The following CDH7 variants were observed in gnomAD, a reference collection of about 807,000 sequenced individuals.
CDH7 encodes cadherin 7.
Under a neutral mutation model 71.8 loss-of-function variants are expected in CDH7, and 25 were observed. The observed-to-expected ratio is 0.35, with a 90% CI of 0.25 to 0.49. CDH7 has a LOEUF of 0.49. Among genes scored for constraint, CDH7 ranks in the 20% least tolerant of loss-of-function variants. The pLI is 0.99. For synonymous variants in CDH7, 381 were observed against 363.8 expected (o/e 1.05, Z -0.54); for missense variants, 862 against 974.6 (o/e 0.88, Z 1.54).
At chr18:65,792,472 C>T (rs1303053135) in intron 2 of CDH7, among the ~76,000 whole-genome samples, 3 of 152,034 alleles carry the variant, frequency 2.0e-5, no homozygotes, top group African/African-American at 4.8e-5. Flanking sequence ...GCGTGTTAGC[C>T]ATTTTACCTT....
chr18:65,799,189 A>C (rs1318838554), intron 2 of CDH7, among the ~76,000 whole-genome samples: 1 of 152,042 alleles, frequency 6.6e-6, no homozygotes, highest in Non-Finnish European at 1.5e-5. Context: ...AGGTAAGAGA[A>C]GCCCACCTGC....
intron 6 of CDH7, 57 bp downstream of exon 6, chr18:65,824,888 G>T: frequency 8.0e-7 from 1 of 1,245,384 alleles, no homozygotes; most frequent in East Asian, 2.4e-5. Flanking sequence ...CTTTCTGTTT[G>T]ATGGGAGAAT....
intron 1 of CDH7, among the ~76,000 whole-genome samples, chr18:65,755,719 G>A (rs536854819): frequency 2.0e-5 from 3 of 152,106 alleles, no homozygotes; most frequent in African/African-American, 4.8e-5. Context: ...ATAGGCAAAA[G>A]CAACAATGAA....
chr18:65,874,521 G>A (rs1465588590), intron 11 of CDH7, among the ~76,000 whole-genome samples: 1 of 152,092 alleles, frequency 6.6e-6, no homozygotes. Flanking sequence ...ACTACAAAAG[G>A]TGGGAGAGTT....
intron 2 of CDH7, among the ~76,000 whole-genome samples, chr18:65,765,553 A>G (rs969073188): frequency 6.6e-6 from 1 of 151,882 alleles, no homozygotes; most frequent in African/African-American, 2.4e-5. Flanking sequence ...GAAGATGTGA[A>G]GAAATGGCTG....
chr18:65,750,773 G>GCTCTCTCCTCCTCTCCTGCGCGCC (rs1915842335), upstream of CDH7: 1 of 152,678 alleles, frequency 6.5e-6, no homozygotes, highest in Non-Finnish European at 1.5e-5. Context: ...GCTCCGGCGC[G>GCTCTCTCCTCCTCTCCTGCGCGCC]CTCTCTCCTC....
intron 3 of CDH7, among the ~76,000 whole-genome samples, chr18:65,811,220 A>G (rs1328973921): frequency 2.6e-5 from 4 of 151,548 alleles, no homozygotes; most frequent in East Asian, 1.9e-4. Flanking sequence ...CATTCATCCA[A>G]TCATGCAATC....
intron 2 of CDH7, among the ~76,000 whole-genome samples, chr18:65,805,697 C>T (rs187521069): frequency 0.015 from 2,221 of 152,318 alleles, 24 homozygotes; most frequent in Admixed American, 0.025. Flanking sequence ...AAGCTCCGGG[C>T]CATGCCCAGG....
chr18:65,798,262 A>G (rs1169059396), intron 2 of CDH7, among the ~76,000 whole-genome samples: 1 of 152,226 alleles, frequency 6.6e-6, no homozygotes, highest in Non-Finnish European at 1.5e-5. Flanking sequence ...ACTGAAAGAA[A>G]CGAGTGACAC....
rs1911953787 is a variant in CDH7 at position 65,822,120 on chromosome 18, C to T, written c.665C>T (p.Ala222Val). The change falls in exon 5 of 12, where the codon GCT (alanine) becomes GTT (valine). Residue 222 changes from alanine (A) to valine (V), a missense_variant. Transcript: ENST00000397968. ...GCCCTTCCAAACATGGATAGAGAGG[C>T]TAAAGACCAGTATTTGCTTGTCATT... is the stretch of plus-strand genomic sequence containing the variant. ...KTALPNMDREAKDQYLLVIQA... is the reference protein window; with the variant it reads ...KTALPNMDREVKDQYLLVIQA... 6.2e-7 allele frequency: 1 copy of T among 1,612,820 alleles called. No individual in the cohort carries two copies. The highest frequency in any genetic ancestry group is 1.3e-5 in the African/African-American group (1 of 74,856).
upstream of CDH7, chr18:65,750,338 G>A (rs917035823): frequency 1.3e-5 from 2 of 151,976 alleles, no homozygotes; most frequent in Admixed American, 1.3e-4. Context: ...TTGCCTTCAT[G>A]CCTCAGGAGC....
At position 65,781,788 on chromosome 18, in the gene CDH7, T is replaced by TTTCTA. The variant is rs1568181346; in HGVS notation, c.210+18737_210+18738insTCTAT. Among the ~76,000 whole-genome samples the TTTCTA allele has an allele frequency of 6.3e-4, 43 of 68,002 alleles. 9 individuals carry two copies. Among genetic ancestry groups the TTTCTA allele is most frequent in the South Asian group, 1.3e-3 (2 of 1,536 alleles). The allele number at this position is 68,002 out of a possible 152,430, so 44.6% of individuals were successfully genotyped here. On this transcript the variant is annotated intron_variant, in intron 2 of 11. Transcript: ENST00000397968. ...TTTCTTTCCTTCCTTCCTTCCTTCC[T>TTTCTA]TCCTTCCTTCCTTCCTTCCTTCCTT...
intron 2 of CDH7, among the ~76,000 whole-genome samples, chr18:65,781,819 C>CTTCCTTCTTTCTTTCTTTCT (rs1491280674): frequency 2.3e-5 from 1 of 43,920 alleles, no homozygotes; most frequent in Non-Finnish European, 4.2e-5. Flanking sequence ...TCCTTCCTTC[C>CTTCCTTCTTTCTTTCTTTCT]TTCTTTCTTT....
intron 6 of CDH7, among the ~76,000 whole-genome samples, chr18:65,840,424 A>G (rs1371454574): frequency 6.6e-6 from 1 of 152,106 alleles, no homozygotes; most frequent in Non-Finnish European, 1.5e-5. Context: ...ACCCTGGTTA[A>G]ATTTCCAATT....
At position 65,782,061 on chromosome 18, in the gene CDH7, C is replaced by T. The variant is rs183480754; in HGVS notation, c.210+19009C>T. ...TCCTTCCTTCCTTCCTTCCTTCCTT[C>T]CTTTCTTTCTTTCTTTCTTTCCTTC... On this transcript the variant is annotated intron_variant, in intron 2 of 11. Coordinates refer to ENST00000397968, the MANE Select transcript of CDH7 (RefSeq NM_004361.5). Among the ~76,000 whole-genome samples, 233 of 38,180 alleles carry T rather than the reference C, an allele frequency of 6.1e-3. 12 individuals carry two copies. Among genetic ancestry groups the T allele is most frequent in the East Asian group, 9.6e-3 (10 of 1,042 alleles). The allele number at this position is 38,180 out of a possible 152,430, so 25.0% of individuals were successfully genotyped here. A position where few individuals can be genotyped will look rare whatever the true frequency, so the allele number is the denominator to read the frequency against.
At chr18:65,865,081 T>C (rs1417100160) in intron 11 of CDH7, among the ~76,000 whole-genome samples, 3 of 152,070 alleles carry the variant, frequency 2.0e-5, no homozygotes, top group Non-Finnish European at 4.4e-5. Flanking sequence ...ATTTTAATTA[T>C]CCTCAATAAT....
intron 7 of CDH7, among the ~76,000 whole-genome samples, chr18:65,848,454 A>G (rs1313977070): frequency 6.6e-6 from 1 of 152,242 alleles, no homozygotes; most frequent in Non-Finnish European, 1.5e-5. Flanking sequence ...GGCAAATTGT[A>G]AGATAAATAA....
At position 65,884,546 on chromosome 18, in the gene CDH7, T is replaced by C. The variant is rs942930875; in HGVS notation, c.*3652T>C. The C allele has an allele frequency of 1.3e-5, 2 of 152,194 alleles. No individual in the cohort carries two copies. Among genetic ancestry groups the C allele is most frequent in the Non-Finnish European group, 2.9e-5 (2 of 68,030 alleles). The allele number at this position is 152,194 out of a possible 1,614,324, so 9.4% of individuals were successfully genotyped here. ...ATTTTATCTTCATGCACAATTACATTTACTACATTGGATGGTAGACATAGG... is the reference window on the plus strand; with the variant it reads ...ATTTTATCTTCATGCACAATTACATCTACTACATTGGATGGTAGACATAGG... On this transcript the variant is annotated 3_prime_UTR_variant, in exon 12 of 12. Transcript: ENST00000397968.
At position 65,784,511 on chromosome 18, in the gene CDH7, A is replaced by T. The variant is rs1370905938; in HGVS notation, c.210+21459A>T. The stretch of plus-strand genomic sequence containing the variant: ...ACAAAGTTGGTGAATTATCTGACCC[A>T]CCATATAATTCCAGTGGGTGAAGTG... On this transcript the variant is annotated intron_variant, in intron 2 of 11. Coordinates refer to ENST00000397968, the MANE Select transcript of CDH7 (RefSeq NM_004361.5). Among the ~76,000 whole-genome samples the T allele has an allele frequency of 6.6e-5, 10 of 152,114 alleles. No individual in the cohort carries two copies. The South Asian group carries it at 2.1e-3, about 31-fold the overall frequency.
Sources: allele counts gnomAD v4.1 joint callset (sites outside exome capture counted in the v4.1 genomes callset), GRCh38; gene constraint gnomAD v4.1.1; transcripts MANE v1.5; gene names NCBI Gene and HGNC (gene_info 2026-07-23, HGNC 2026-07-21).